SNX29: variants seen among roughly 807,000 people sequenced by gnomAD.
SNX29 encodes sorting nexin 29.
Under a neutral mutation model 102.1 loss-of-function variants are expected in SNX29, and 78 were observed. The observed-to-expected ratio is 0.76, with a 90% CI of 0.64 to 0.92. The LOEUF (loss-of-function observed/expected upper bound fraction) is 0.92. Among genes scored for constraint, SNX29 ranks in the 40% least tolerant of loss-of-function variants. The probability of loss-of-function intolerance (pLI) is 0.00; values close to 1 mark genes in which losing one functional copy is unlikely to be tolerated. For synonymous variants in SNX29, 580 were observed against 414.5 expected, an observed-to-expected ratio of 1.40 and a Z score of -4.85; for missense variants, 1,280 against 1,061.7, an observed-to-expected ratio of 1.21 and a Z score of -2.86.
intron 20 of SNX29, among the ~76,000 whole-genome samples, chr16:12,525,986 CA>C (rs1465498223): frequency 6.6e-6 from 1 of 152,074 alleles, no homozygotes; most frequent in Non-Finnish European, 1.5e-5. Context: ...TTAGGGGAAC[CA>C]AAACCATCAA....
In SNX29 at chr16:12,005,230, T is replaced by C. The variant is rs148434980; in HGVS notation, c.122+2187T>C. ...GACTGATTGATCAATTTAGTCCTTCTTGAGGGCCTACTATGGGGCCTGGCC... is the reference window on the plus strand; with the variant it reads ...GACTGATTGATCAATTTAGTCCTTCCTGAGGGCCTACTATGGGGCCTGGCC... On this transcript the variant is annotated intron_variant, in intron 3 of 20. Transcript: ENST00000566228. Among the ~76,000 whole-genome samples, 1,033 of 152,354 alleles carry C rather than the reference T, an allele frequency of 6.8e-3. 10 individuals are homozygous for C. Among genetic ancestry groups the C allele is most frequent in the African/African-American group, 0.023 (961 of 41,576 alleles).
At chr16:12,075,028 G>C (rs1299209078) in intron 10 of SNX29, among the ~76,000 whole-genome samples, 1 of 152,082 alleles carries the variant, frequency 6.6e-6, no homozygotes, top group African/African-American at 2.4e-5. Context: ...GCTCCTTTAA[G>C]CACTTCTCTA....
chr16:11,985,494 C>A (rs2055579536), intron 1 of SNX29, among the ~76,000 whole-genome samples: 1 of 152,194 alleles, frequency 6.6e-6, no homozygotes, highest in South Asian at 2.1e-4. Context: ...AAAGGACTAT[C>A]AGGATTATCT....
intron 16 of SNX29, among the ~76,000 whole-genome samples, chr16:12,377,169 G>A (rs145521262): frequency 7.9e-5 from 12 of 152,312 alleles, no homozygotes; most frequent in South Asian, 6.2e-4. Flanking sequence ...GGAGCTTTAC[G>A]TCTCTGAGCC....
intron 16 of SNX29, among the ~76,000 whole-genome samples, chr16:12,382,260 A>C (rs2083193053): frequency 6.6e-6 from 1 of 152,180 alleles, no homozygotes; most frequent in African/African-American, 2.4e-5. Context: ...AACTGAGAAA[A>C]GCGAAGGTTA....
intron 14 of SNX29, among the ~76,000 whole-genome samples, chr16:12,270,357 G>A (rs2079054327): frequency 6.6e-6 from 1 of 152,156 alleles, no homozygotes; most frequent in African/African-American, 2.4e-5. Context: ...GTTGTCATCT[G>A]TTATTTTTGC....
At chr16:12,518,255 C>G (rs1239779632) in intron 19 of SNX29, among the ~76,000 whole-genome samples, 3 of 152,110 alleles carry the variant, frequency 2.0e-5, no homozygotes, top group African/African-American at 4.8e-5. Flanking sequence ...CTGATGCCTC[C>G]CACCTCCCGT....
chr16:12,541,019 C>G (rs1597838687), intron 20 of SNX29, among the ~76,000 whole-genome samples: 1 of 152,182 alleles, frequency 6.6e-6, no homozygotes. Context: ...CCTGGGACAG[C>G]AACAACTGGT....
intron 20 of SNX29, among the ~76,000 whole-genome samples, chr16:12,533,815 C>T (rs910166807): frequency 6.6e-6 from 1 of 152,188 alleles, no homozygotes; most frequent in Non-Finnish European, 1.5e-5. Context: ...CAAAAGGGAT[C>T]AGCCACTCCT....
At chr16:12,407,982 C>G (rs2084235374) in intron 18 of SNX29, among the ~76,000 whole-genome samples, 2 of 152,058 alleles carry the variant, frequency 1.3e-5, no homozygotes, top group Admixed American at 1.3e-4. Flanking sequence ...CACAGTGAGA[C>G]CCTGTCTCTC....
At chr16:12,512,398 ATATATATATATATATATATAG>A (rs2089667847) in intron 19 of SNX29, among the ~76,000 whole-genome samples, 1 of 75,732 alleles carries the variant, frequency 1.3e-5, no homozygotes, top group African/African-American at 6.1e-5. Context: ...ATATATATAT[ATATATATATATATATATATAG>A]TTTTCGGTTT....
chr16:12,223,797 A>G lies in SNX29; in HGVS notation c.1678+24114A>G, dbSNP rs147063780. Among the ~76,000 whole-genome samples, 1,069 of 152,308 alleles carry G rather than the reference A, an allele frequency of 7.0e-3. 15 individuals carry two copies. Among genetic ancestry groups the G allele is most frequent in the African/African-American group, 0.023 (964 of 41,554 alleles). On this transcript the variant is annotated intron_variant, in intron 14 of 20. Transcript: ENST00000566228. ...AGAGGGGACCTTTTCATCTGTCATC[A>G]TGGTGGCTGCCATGTATTGAGGGCT... is the stretch of plus-strand genomic sequence containing the variant.
intron 18 of SNX29, among the ~76,000 whole-genome samples, chr16:12,436,370 C>T (rs1049525386): frequency 1.3e-5 from 2 of 152,214 alleles, no homozygotes; most frequent in African/African-American, 2.4e-5. Flanking sequence ...CAGGAGACAG[C>T]GACAGCTTGG....
chr16:12,406,142 G>A (rs1049607801), intron 18 of SNX29, among the ~76,000 whole-genome samples: 3 of 152,118 alleles, frequency 2.0e-5, no homozygotes, highest in Non-Finnish European at 2.9e-5. Context: ...ATACATCAGG[G>A]TCAATGAAAA....
intron 14 of SNX29, among the ~76,000 whole-genome samples, chr16:12,268,004 C>T (rs1215911899): frequency 6.6e-6 from 1 of 152,202 alleles, no homozygotes; most frequent in Admixed American, 6.5e-5. Flanking sequence ...GTGCCCGCCC[C>T]AGGCCCTTTG....
At chr16:12,095,556 A>G (rs2052732238) in intron 11 of SNX29, among the ~76,000 whole-genome samples, 1 of 152,214 alleles carries the variant, frequency 6.6e-6, no homozygotes, top group Admixed American at 6.5e-5. Flanking sequence ...CCATCAGTAT[A>G]GCACAGTCAT....
At chr16:12,515,543 C>T (rs1175640721) in intron 19 of SNX29, 7 of 492,044 alleles carry the variant, frequency 1.4e-5, no homozygotes, top group South Asian at 3.1e-5. Flanking sequence ...ACTGCAGCAG[C>T]ATCCTTGCTG....
At chr16:12,494,601 C>T (rs1323911011) in intron 19 of SNX29, among the ~76,000 whole-genome samples, 2 of 152,200 alleles carry the variant, frequency 1.3e-5, no homozygotes, top group Non-Finnish European at 2.9e-5. Context: ...CTGAGGAGCC[C>T]ATCTTCTCTA....
At chr16:12,452,141 G>T (rs879907314) in intron 18 of SNX29, among the ~76,000 whole-genome samples, 1 of 152,232 alleles carries the variant, frequency 6.6e-6, no homozygotes, top group African/African-American at 2.4e-5. Flanking sequence ...TAGAACAGCT[G>T]TAGGGAGCTC....
Sources: gnomAD v4.1 joint callset for allele counts (sites outside exome capture counted in the v4.1 genomes callset) on GRCh38, gnomAD v4.1.1 for gene constraint, MANE v1.5 for transcripts, NCBI Gene and HGNC (gene_info 2026-07-23, HGNC 2026-07-21) for gene names.